Variants in NUP153 observed in about 807,000 individuals in gnomAD.
NUP153 encodes the protein nuclear pore complex protein Nup153.
A neutral mutation model predicts 134.6 loss-of-function variants in NUP153; 27 were observed. The ratio of observed to expected loss-of-function variants is 0.20; its 90% CI spans 0.15 to 0.28. NUP153 has a LOEUF of 0.28. Ranked by LOEUF, NUP153 falls within the 10% of genes least tolerant of loss-of-function variation. The pLI, the probability that NUP153 is intolerant of heterozygous loss-of-function variation, is 1.00. For missense variants in NUP153, 1,821 were observed against 1,731.3 expected (o/e 1.05, Z -0.92); for synonymous variants, 640 against 623.5 (o/e 1.03, Z -0.40).
At chr6:17,701,833 G>GGT (rs150260928) in intron 1 of NUP153, among the ~76,000 whole-genome samples, 1 of 48,958 alleles carries the variant, frequency 2.0e-5, no homozygotes, top group Non-Finnish European at 5.1e-5. Context: ...ACTCTGTCTC[G>GGT]GGGGGGGGGG....
intron 9 of NUP153, 31 bp downstream of exon 9, chr6:17,665,208 C>G (rs1767452420): frequency 6.5e-7 from 1 of 1,531,326 alleles, no homozygotes; most frequent in Non-Finnish European, 9.0e-7. Context: ...AATCAATATT[C>G]AAAGACTGGT....
chr6:17,634,360 G>C (rs1765410308), intron 16 of NUP153, among the ~76,000 whole-genome samples: 1 of 152,148 alleles, frequency 6.6e-6, no homozygotes, highest in Middle Eastern at 3.4e-3. Context: ...CTACTCTCAT[G>C]ACTTCAAATA....
rs529609395 is a variant in NUP153, at chr6:17,675,836, T to C, written c.335-66A>G. The C allele has an allele frequency of 5.4e-6, 8 of 1,492,550 alleles. No individual in the cohort carries two copies. The highest frequency in any genetic ancestry group is 1.7e-5 in the Admixed American group (1 of 58,992). 92.5% of individuals were successfully genotyped at this position (1,492,550 alleles called of 1,614,324 possible). A position where few individuals can be genotyped will look rare whatever the true frequency, so the allele number is the denominator to read the frequency against. On this transcript the variant is annotated intron_variant, in intron 2 of 21. Coordinates refer to ENST00000262077, the MANE Select transcript of NUP153 (RefSeq NM_005124.4). The surrounding 1 kb of genome is among the most constrained non-coding windows in gnomAD (Gnocchi z 4.4). ...AGCGATACACTACCACAAATGGTTTTTACTTTAAGAAAACACATTACAGTA... is the reference window on the plus strand; with the variant it reads ...AGCGATACACTACCACAAATGGTTTCTACTTTAAGAAAACACATTACAGTA...
intron 2 of NUP153, among the ~76,000 whole-genome samples, chr6:17,682,919 AAAG>A (rs1276504403): frequency 1.6e-5 from 2 of 123,288 alleles, no homozygotes; most frequent in Admixed American, 8.9e-5. Context: ...CTGTCTCAAA[AAAG>A]AAGAAAAAAA....
chr6:17,664,029 G>A (rs1273683438), intron 9 of NUP153, among the ~76,000 whole-genome samples: 1 of 151,748 alleles, frequency 6.6e-6, no homozygotes, highest in Non-Finnish European at 1.5e-5. Flanking sequence ...TGTCCTTCAA[G>A]TGATTAATGG....
intron 1 of NUP153, 48 bp from the exon 2 acceptor site, chr6:17,688,666 T>C (rs1001502074): frequency 2.8e-6 from 4 of 1,442,416 alleles, no homozygotes; most frequent in Admixed American, 3.6e-5. Context: ...ATTTATCTTT[T>C]TAAAATAAGT....
intron 18 of NUP153, among the ~76,000 whole-genome samples, chr6:17,627,501 G>T (rs904277644): frequency 6.6e-6 from 1 of 152,010 alleles, no homozygotes; most frequent in African/African-American, 2.4e-5. Flanking sequence ...TTTTGTTGTT[G>T]TTGGGTTTTC....
chr6:17,663,471 C>T (rs753906873), intron 9 of NUP153, among the ~76,000 whole-genome samples: 28 of 152,098 alleles, frequency 1.8e-4, no homozygotes, highest in Non-Finnish European at 4.4e-5. Flanking sequence ...GCTATGGTGC[C>T]TGGGCTAGTC....
rs776189492 is a variant in NUP153 at position 17,628,650 on chromosome 6, C to G, written c.3544+5G>C. The G allele has an allele frequency of 6.9e-6, 10 of 1,445,386 alleles. No individual in the cohort carries two copies. The South Asian group carries it at 1.5e-4, about 22-fold the overall frequency. 89.5% of individuals were successfully genotyped at this position (1,445,386 alleles called of 1,614,324 possible). On this transcript the variant is annotated splice_donor_5th_base_variant and intron_variant, in intron 18 of 21. Coordinates refer to ENST00000262077, the MANE Select transcript of NUP153 (RefSeq NM_005124.4). This position sits in a 1 kb window ranked among gnomAD's most constrained non-coding sequence, Gnocchi z 5.4. ...TAATAATAATAATAAAAAGTTAATA[C>G]TTACCAGCTGTAGTACTAGTTTGAG... is the stretch of plus-strand genomic sequence containing the variant.
chr6:17,684,021 G>A (rs1768769237), intron 2 of NUP153, among the ~76,000 whole-genome samples: 1 of 152,048 alleles, frequency 6.6e-6, no homozygotes, highest in Admixed American at 6.6e-5. Context: ...TGTTAAAATA[G>A]TCTGGGACCT....
intron 1 of NUP153, among the ~76,000 whole-genome samples, chr6:17,691,464 C>T (rs575395286): frequency 6.6e-6 from 1 of 152,194 alleles, no homozygotes; most frequent in African/African-American, 2.4e-5. Context: ...AGCTATAATA[C>T]AGTTTAAGAC....
intron 10 of NUP153, 68 bp from the exon 11 acceptor site, chr6:17,661,847 T>C (rs1767205819): frequency 6.3e-6 from 9 of 1,427,508 alleles, no homozygotes; most frequent in South Asian, 1.3e-5. Context: ...TAACTAGAAC[T>C]GCTAACAAGT....
At position 17,669,348 on chromosome 6, in the gene NUP153, T is replaced by G; in HGVS notation, c.970-11A>C. ...AATTCTTTTTGCATCCTGTTAAAGTTGAAAAAATAACAAAATTAAGATTTT... is the reference window on the plus strand; with the variant it reads ...AATTCTTTTTGCATCCTGTTAAAGTGGAAAAAATAACAAAATTAAGATTTT... On this transcript the variant is annotated splice_polypyrimidine_tract_variant and intron_variant, in intron 6 of 21. Transcript: ENST00000262077. 6.2e-7 allele frequency: 1 copy of G among 1,608,426 alleles called. No individual in the cohort carries two copies. Among genetic ancestry groups the G allele is most frequent in the East Asian group, 2.2e-5 (1 of 44,850 alleles).
intron 15 of NUP153, among the ~76,000 whole-genome samples, chr6:17,639,277 C>T (rs1189106369): frequency 1.3e-5 from 2 of 152,054 alleles, no homozygotes; most frequent in Non-Finnish European, 2.9e-5. Flanking sequence ...TGGGGTTTCG[C>T]CATGTTGGCC....
intron 1 of NUP153, among the ~76,000 whole-genome samples, chr6:17,701,660 C>CA (rs60645337): frequency 0.043 from 5,667 of 133,240 alleles, 370 homozygotes; most frequent in East Asian, 0.31. Flanking sequence ...GACTCCATCT[C>CA]AAAAAAAAAA....
At chr6:17,705,774 T>G (rs961143024) in intron 1 of NUP153, among the ~76,000 whole-genome samples, 1 of 151,986 alleles carries the variant, frequency 6.6e-6, no homozygotes, top group Non-Finnish European at 1.5e-5. Flanking sequence ...GTTATTCCAC[T>G]TTCCATGTAA....
intron 20 of NUP153, among the ~76,000 whole-genome samples, chr6:17,616,997 A>G (rs1473222994): frequency 6.6e-6 from 1 of 152,120 alleles, no homozygotes; most frequent in Admixed American, 6.5e-5. Flanking sequence ...TGATCTGTCC[A>G]CCTCGGCCTC....
At chr6:17,658,338 G>C (rs985113535) in intron 11 of NUP153, among the ~76,000 whole-genome samples, 3 of 152,244 alleles carry the variant, frequency 2.0e-5, no homozygotes, top group Non-Finnish European at 4.4e-5. Flanking sequence ...AGAGGCTGCA[G>C]TGAGCTGAGA....
rs1769391322 is a variant in NUP153, at chr6:17,693,215, C to CACACA, written c.112-4598_112-4597insTGTGT. Among the ~76,000 whole-genome samples, 6 of 147,944 alleles carry CACACA rather than the reference C, an allele frequency of 4.1e-5. No homozygotes were observed. The South Asian group carries it at 8.5e-4, about 21-fold the overall frequency. ...ACACACACACACACACACACACACA[C>CACACA]ACTTATAAAATCACAGATTTGATGC... is the stretch of plus-strand genomic sequence containing the variant. On this transcript the variant is annotated intron_variant, in intron 1 of 21. Coordinates refer to ENST00000262077, the MANE Select transcript of NUP153 (RefSeq NM_005124.4).
Sources: allele counts gnomAD v4.1 joint callset (sites outside exome capture counted in the v4.1 genomes callset), GRCh38; gene constraint gnomAD v4.1.1; non-coding constraint Gnocchi (gnomAD v3.1); transcripts MANE v1.5; gene names NCBI Gene and HGNC (gene_info 2026-07-23, HGNC 2026-07-21).